The following PRDM10 variants were observed in gnomAD, a reference collection of about 807,000 sequenced individuals.
PRDM10 encodes PR domain zinc finger protein 10.
Under a neutral mutation model 133.1 loss-of-function variants are expected in PRDM10, and 65 were observed. The observed-to-expected ratio is 0.49, with a 90% CI of 0.40 to 0.60. PRDM10 has a LOEUF of 0.60. PRDM10 is among the 20% of genes least tolerant of loss of function. PRDM10 has a pLI of 0.00. For synonymous variants in PRDM10, 582 were observed against 580.4 expected (o/e 1.00, Z -0.04); for missense variants, 1,137 against 1,507.1 (o/e 0.75, Z 4.07).
At chr11:129,994,452 C>T (rs1389468466) in intron 1 of PRDM10, among the ~76,000 whole-genome samples, 1 of 141,562 alleles carries the variant, frequency 7.1e-6, no homozygotes, top group Non-Finnish European at 1.5e-5. Flanking sequence ...GGTGACACAG[C>T]GCAACTCTGC....
intron 11 of PRDM10, among the ~76,000 whole-genome samples, chr11:129,927,671 C>T (rs539040475): frequency 5.5e-4 from 84 of 152,286 alleles, no homozygotes; most frequent in Non-Finnish European, 1.0e-3. Context: ...ACTTTATCAT[C>T]TTTTCAATTT....
chr11:129,921,714 T>C (rs1030431310), intron 13 of PRDM10, among the ~76,000 whole-genome samples: 3 of 152,092 alleles, frequency 2.0e-5, no homozygotes, highest in African/African-American at 7.2e-5. Flanking sequence ...TGGTTCCGAG[T>C]TGGGGTTAGC....
intron 7 of PRDM10, among the ~76,000 whole-genome samples, chr11:129,940,808 T>C (rs368356378): frequency 3.3e-5 from 5 of 152,380 alleles, no homozygotes; most frequent in South Asian, 4.1e-4. Context: ...GTTTTGAAAG[T>C]TGAACCTTTT....
chr11:129,961,128 C>T (rs1951787858), intron 1 of PRDM10, 46 bp from the exon 2 acceptor site: 3 of 524,748 alleles, frequency 5.7e-6, no homozygotes, highest in Non-Finnish European at 1.0e-5. Flanking sequence ...TAGATAAATA[C>T]ATTTTAATAT....
rs186904232 is a variant in PRDM10 at position 129,915,535 on chromosome 11, T to A, written c.2526+125A>T. On this transcript the variant is annotated intron_variant, in intron 16 of 20. Coordinates refer to ENST00000360871, the MANE Select transcript of PRDM10 (RefSeq NM_199437.2). ...TCTGTTTACAGTGACTAGGACAACA[T>A]CTCTTTCAGTCCCCCGTCAACTCAG... The A allele has an allele frequency of 1.4e-3, 1,462 of 1,068,332 alleles. 5 individuals are homozygous for A. The highest frequency in any genetic ancestry group is 1.7e-3 in the Admixed American group (66 of 38,374). 66.2% of individuals were successfully genotyped at this position (1,068,332 alleles called of 1,614,324 possible).
At chr11:129,963,435 A>AGAAGAGAAGAGAAGAGAAGAGAAGG (rs1951841982) in intron 1 of PRDM10, among the ~76,000 whole-genome samples, 1 of 151,478 alleles carries the variant, frequency 6.6e-6, no homozygotes, top group Admixed American at 6.6e-5. Flanking sequence ...AGAAGAGAAG[A>AGAAGAGAAGAGAAGAGAAGAGAAGG]GAAGAGAAGA....
At chr11:129,977,654 T>C (rs571457133) in intron 1 of PRDM10, among the ~76,000 whole-genome samples, 11 of 152,142 alleles carry the variant, frequency 7.2e-5, no homozygotes, top group African/African-American at 2.7e-4. Context: ...CCTGAGGAAC[T>C]GAAGTAAAGA....
chr11:129,993,180 C>T (rs1016068824), intron 1 of PRDM10, among the ~76,000 whole-genome samples: 4 of 152,202 alleles, frequency 2.6e-5, no homozygotes, highest in African/African-American at 9.7e-5. Context: ...GCATTTCCTT[C>T]ATTAACATGG....
Position 129,902,332 on chromosome 11 carries a change from AC to A in PRDM10, c.3451del (p.Val1151CysfsTer13), listed in dbSNP as rs770897234. ...TTTNGNGSSEVHITKP is the reference protein window; with the variant it reads ...TTTNGNGSSEXHITKP ...TGGAAGTCATGGTTTGGTGATATGC[AC>A]TTCGCTGCTTCCGTTCCCGTTGGTG... On this transcript the variant is annotated frameshift_variant, in exon 21 of 21. Transcript: ENST00000360871. LOFTEE classifies it high-confidence loss of function. 24 of 1,613,918 alleles carry A rather than the reference AC, an allele frequency of 1.5e-5. No individual in the cohort carries two copies. Among genetic ancestry groups the A allele is most frequent in the Non-Finnish European group, 8.5e-7 (1 of 1,180,002 alleles).
intron 2 of PRDM10, 100 bp from the exon 3 acceptor site, chr11:129,958,010 G>A (rs1951728950): frequency 7.5e-7 from 1 of 1,340,502 alleles, no homozygotes; most frequent in Non-Finnish European, 1.0e-6. Context: ...ACAGGAGAAT[G>A]GGGATGGATA....
In PRDM10 at chr11:129,909,374, C is replaced by G. The variant is rs1016814312; in HGVS notation, c.3163+1102G>C. The stretch of plus-strand genomic sequence containing the variant: ...CTGAGGCAGGAGAATCACTTGAACC[C>G]GGGAGGCGGAGGTTGCAGTGAGCCG... On this transcript the variant is annotated intron_variant, in intron 19 of 20. Coordinates refer to ENST00000360871, the MANE Select transcript of PRDM10 (RefSeq NM_199437.2). Among the ~76,000 whole-genome samples, 23 of 151,392 alleles carry G rather than the reference C, an allele frequency of 1.5e-4. No homozygotes were observed. In the East Asian group the frequency reaches 4.5e-3, roughly 30 times the overall value.
chr11:129,920,111 T>C (rs1591596536), intron 13 of PRDM10, among the ~76,000 whole-genome samples: 1 of 152,170 alleles, frequency 6.6e-6, no homozygotes, highest in African/African-American at 2.4e-5. Context: ...GCATTCCCAC[T>C]TTTTTCTAAG....
chr11:129,920,627 C>G (rs1024162266), intron 13 of PRDM10, among the ~76,000 whole-genome samples: 1 of 151,832 alleles, frequency 6.6e-6, no homozygotes, highest in Non-Finnish European at 1.5e-5. Flanking sequence ...TCCCAATCTC[C>G]CGAACGTGGC....
In PRDM10 at chr11:129,902,438, C is replaced by G. The variant is rs778218634; in HGVS notation, c.3346G>C (p.Glu1116Gln). 6.2e-7 allele frequency: 1 copy of G among 1,613,988 alleles called. No individual in the cohort carries two copies. The highest frequency in any genetic ancestry group is 8.5e-7 in the Non-Finnish European group (1 of 1,180,036). ...AGGGAGTCACTGTGTGCAGGTGGCT[C>G]GACCTGGACTCCACCAGAGAGGGCA... ...TSALSGGVQV[E>Q]PPAHSDSLDP... Residue 1116 changes from glutamate to glutamine, a missense_variant, in exon 21 of 21, where the codon GAG (glutamate) becomes CAG (glutamine). By Grantham distance (29) the Glu-to-Gln change is conservative (BLOSUM62 2). Transcript: ENST00000360871.
In PRDM10 at chr11:129,945,666, C is replaced by T. The variant is rs1394877731; in HGVS notation, c.521-654G>A. On this transcript the variant is annotated intron_variant, in intron 5 of 20. Coordinates refer to ENST00000360871, the MANE Select transcript of PRDM10 (RefSeq NM_199437.2). The surrounding 1 kb of genome is among the most constrained non-coding windows in gnomAD (Gnocchi z 4.2). ...CTCGGTTTGCACCAGTCCGGCCACA[C>T]GCCCTGCCTCTTTGCCAGGAGCACC... 1.3e-5 allele frequency among the ~76,000 whole-genome samples: 2 copies of T among 152,168 alleles called. No homozygotes were observed. The highest frequency in any genetic ancestry group is 1.5e-5 in the Non-Finnish European group (1 of 68,034).
At chr11:129,940,412 G>C (rs1951170365) in intron 7 of PRDM10, among the ~76,000 whole-genome samples, 1 of 152,102 alleles carries the variant, frequency 6.6e-6, no homozygotes, top group African/African-American at 2.4e-5. Context: ...TTCCAGAAAT[G>C]TTTTATGAAA....
chr11:129,968,619 C>A (rs938724271), intron 1 of PRDM10, among the ~76,000 whole-genome samples: 5 of 151,764 alleles, frequency 3.3e-5, no homozygotes, highest in African/African-American at 9.7e-5. Flanking sequence ...CCCTCACTAC[C>A]CACCAGCCTC....
intron 11 of PRDM10, among the ~76,000 whole-genome samples, chr11:129,925,628 AAGTC>A (rs1950654078): frequency 6.6e-6 from 1 of 152,234 alleles, no homozygotes; most frequent in Admixed American, 6.5e-5. Context: ...AGGCTGGAGC[AAGTC>A]AGTCAAATGT....
At chr11:129,905,525 A>T in intron 20 of PRDM10, 113 bp downstream of exon 20, 1 of 826,088 alleles carries the variant, frequency 1.2e-6, no homozygotes, top group Non-Finnish European at 2.0e-6. Flanking sequence ...AGAATTCATC[A>T]TCTACTGTGA....
Sources: gnomAD v4.1 joint callset for allele counts (sites outside exome capture counted in the v4.1 genomes callset) on GRCh38, gnomAD v4.1.1 for gene constraint, Gnocchi (gnomAD v3.1) non-coding constraint, MANE v1.5 for transcripts, NCBI Gene and HGNC (gene_info 2026-07-23, HGNC 2026-07-21) for gene names.